PPP2R5E: variants seen among roughly 807,000 people sequenced by gnomAD.
The protein encoded by PPP2R5E is serine/threonine-protein phosphatase 2A 56 kDa regulatory subunit epsilon isoform.
In PPP2R5E, 4 loss-of-function variants were observed where a neutral mutation model predicts 65.3. The ratio of observed to expected loss-of-function variants is 0.06; its 90% CI spans 0.03 to 0.14. PPP2R5E has a LOEUF of 0.14. Ranked by LOEUF, PPP2R5E falls within the 10% of genes least tolerant of loss-of-function variation. PPP2R5E has a pLI of 1.00. For missense variants in PPP2R5E, 274 were observed against 556.1 expected (o/e 0.49, Z 5.10); for synonymous variants, 183 against 187.4 (o/e 0.98, Z 0.19).
chr14:63,527,421 C>T (rs1029255988), intron 2 of PPP2R5E, among the ~76,000 whole-genome samples: 7 of 152,158 alleles, frequency 4.6e-5, no homozygotes, highest in Admixed American at 4.6e-4. Flanking sequence ...GCAAAGAATC[C>T]ATGTAACGTG....
intron 2 of PPP2R5E, among the ~76,000 whole-genome samples, chr14:63,499,491 G>A (rs532610926): frequency 1.6e-4 from 24 of 152,274 alleles, no homozygotes; most frequent in South Asian, 8.3e-4. Context: ...TTGGGAGGCC[G>A]AGGTGGGTGG....
chr14:63,403,023 A>G (rs577798662), intron 5 of PPP2R5E, among the ~76,000 whole-genome samples: 11 of 152,310 alleles, frequency 7.2e-5, no homozygotes, highest in African/African-American at 2.2e-4. Flanking sequence ...TAAGGCATTC[A>G]CCTGGTGCAG....
intron 2 of PPP2R5E, among the ~76,000 whole-genome samples, chr14:63,470,453 C>T (rs1890057226): frequency 6.7e-6 from 1 of 150,220 alleles, no homozygotes; most frequent in Non-Finnish European, 1.5e-5. Flanking sequence ...CATAACCTTT[C>T]CATAAGTTTA....
chr14:63,522,303 C>T (rs1892950825), intron 2 of PPP2R5E, among the ~76,000 whole-genome samples: 1 of 151,872 alleles, frequency 6.6e-6, no homozygotes, highest in Non-Finnish European at 1.5e-5. Flanking sequence ...ACAACCTCCA[C>T]CTCCCAGCCG....
intron 2 of PPP2R5E, among the ~76,000 whole-genome samples, chr14:63,486,609 A>T (rs1382935386): frequency 6.6e-6 from 1 of 151,870 alleles, no homozygotes; most frequent in Admixed American, 6.6e-5. Context: ...TGCAAAACAC[A>T]TGTGGTCCAC....
intron 8 of PPP2R5E, among the ~76,000 whole-genome samples, chr14:63,392,845 A>G (rs1388425667): frequency 6.6e-6 from 1 of 152,218 alleles, no homozygotes; most frequent in Non-Finnish European, 1.5e-5. Flanking sequence ...AGGGAGTCAG[A>G]GTCTGGCAGT....
chr14:63,504,629 T>G (rs574510086), intron 2 of PPP2R5E, among the ~76,000 whole-genome samples: 1 of 152,080 alleles, frequency 6.6e-6, no homozygotes, highest in African/African-American at 2.4e-5. Context: ...GAGAAACTAT[T>G]TACTCATCGT....
At chr14:63,516,793 A>C (rs1412386129) in intron 2 of PPP2R5E, among the ~76,000 whole-genome samples, 1 of 152,252 alleles carries the variant, frequency 6.6e-6, no homozygotes, top group Non-Finnish European at 1.5e-5. Context: ...AAAGCAGCTC[A>C]TATTTGGCTA....
intron 2 of PPP2R5E, among the ~76,000 whole-genome samples, chr14:63,520,859 C>CAAAAAAAAAAAAAAAAAAAA (rs748146106): frequency 3.4e-5 from 2 of 58,522 alleles, no homozygotes; most frequent in Non-Finnish European, 8.3e-5. Flanking sequence ...ACTAAAAATA[C>CAAAAAAAAAAAAAAAAAAAA]AAAAAAAAAA....
chr14:63,399,226 C>T (rs528386946), intron 5 of PPP2R5E, among the ~76,000 whole-genome samples: 1 of 152,176 alleles, frequency 6.6e-6, no homozygotes, highest in Admixed American at 6.5e-5. Flanking sequence ...TTTCAAACAT[C>T]ATGCTAAGTA....
In PPP2R5E at chr14:63,418,803, A is replaced by C. The variant is rs544721066; in HGVS notation, c.456+3190T>G. ...TCTTTTGTCTATTTTTAAAGATCCC[A>C]AAAGATCCACAATTTGTTATAATCA... On this transcript the variant is annotated intron_variant, in intron 4 of 13. Coordinates refer to ENST00000337537, the MANE Select transcript of PPP2R5E (RefSeq NM_006246.5). 3.9e-5 allele frequency among the ~76,000 whole-genome samples: 6 copies of C among 151,964 alleles called. No individual in the cohort carries two copies. In the South Asian group the frequency reaches 1.2e-3, roughly 32 times the overall value.
chr14:63,389,642 G>C lies in PPP2R5E; in HGVS notation c.1044C>G (p.Ile348Met), dbSNP rs533135316. 1.2e-6 allele frequency: 2 copies of C among 1,610,788 alleles called. No homozygotes were observed. The highest frequency in any genetic ancestry group is 2.2e-5 in the South Asian group (2 of 90,386). Reference sequence around the variant, plus strand: ...AATGGGGGCTAGATACACACTTGGCGATTTGTTTAAACAAAGGTTCTTGGA... The same window carrying C: ...AATGGGGGCTAGATACACACTTGGCCATTTGTTTAAACAAAGGTTCTTGGA... ...VKIQEPLFKQIAKCVSSPHFQ... is the reference protein window; with the variant it reads ...VKIQEPLFKQMAKCVSSPHFQ... Residue 348 changes from isoleucine to methionine, a missense_variant, in exon 11 of 14, where the codon ATC becomes ATG. By Grantham distance (10) the Ile-to-Met change is conservative. Coordinates refer to ENST00000337537, the MANE Select transcript of PPP2R5E (RefSeq NM_006246.5).
intron 13 of PPP2R5E, among the ~76,000 whole-genome samples, chr14:63,377,218 C>T (rs1318200095): frequency 6.6e-6 from 1 of 152,010 alleles, no homozygotes; most frequent in African/African-American, 2.4e-5. Context: ...TCAGATAATT[C>T]CTGAAAATGG....
At chr14:63,378,852 C>T (rs1241940719) in intron 13 of PPP2R5E, among the ~76,000 whole-genome samples, 3 of 152,168 alleles carry the variant, frequency 2.0e-5, no homozygotes, top group Non-Finnish European at 4.4e-5. Context: ...AAACCATTAA[C>T]TTCTTGCCAT....
At chr14:63,402,444 C>T (rs774656891) in intron 5 of PPP2R5E, among the ~76,000 whole-genome samples, 16 of 152,102 alleles carry the variant, frequency 1.1e-4, no homozygotes, top group Non-Finnish European at 1.9e-4. Context: ...GATATTTTAA[C>T]ATAAAAGACC....
intron 2 of PPP2R5E, among the ~76,000 whole-genome samples, chr14:63,496,581 T>C (rs1478032558): frequency 8.6e-5 from 13 of 151,660 alleles, no homozygotes; most frequent in South Asian, 8.3e-4. Context: ...CAGAGGGAAA[T>C]AGTTCAATTT....
intron 2 of PPP2R5E, among the ~76,000 whole-genome samples, chr14:63,465,335 C>T (rs527836656): frequency 3.3e-5 from 5 of 150,428 alleles, no homozygotes; most frequent in South Asian, 2.1e-4. Flanking sequence ...AATTTTTGAC[C>T]GGGCATGGTG....
chr14:63,394,265 AG>A (rs1350533746), intron 7 of PPP2R5E, among the ~76,000 whole-genome samples: 1 of 151,744 alleles, frequency 6.6e-6, no homozygotes, highest in Non-Finnish European at 1.5e-5. Context: ...TTGTATTTTT[AG>A]TAGAGAAGGA....
chr14:63,515,235 G>A (rs1313597747), intron 2 of PPP2R5E, among the ~76,000 whole-genome samples: 1 of 152,168 alleles, frequency 6.6e-6, no homozygotes, highest in East Asian at 1.9e-4. Flanking sequence ...CAATAAAGTT[G>A]AAGTCAAACA....
Sources: allele counts gnomAD v4.1 joint callset (sites outside exome capture counted in the v4.1 genomes callset), GRCh38; gene constraint gnomAD v4.1.1; transcripts MANE v1.5; gene names NCBI Gene and HGNC (gene_info 2026-07-23, HGNC 2026-07-21).